Variants in SPOCK1 observed in about 807,000 individuals in gnomAD.
The protein encoded by SPOCK1 is testican-1.
In SPOCK1, 23 loss-of-function variants were observed where a neutral mutation model predicts 55.3. The observed-to-expected ratio is 0.42, with a 90% CI of 0.30 to 0.59. The LOEUF (loss-of-function observed/expected upper bound fraction) is 0.59, where lower values mean the gene tolerates loss of function less well. SPOCK1 is among the 20% of genes least tolerant of loss of function. SPOCK1 has a pLI of 0.22. For missense variants in SPOCK1, 499 were observed against 552.5 expected, an observed-to-expected ratio of 0.90 and a Z score of 0.97; for synonymous variants, 226 against 221.0, an observed-to-expected ratio of 1.02 and a Z score of -0.20.
intron 4 of SPOCK1, among the ~76,000 whole-genome samples, chr5:137,113,264 C>T (rs941488547): frequency 8.5e-5 from 13 of 152,148 alleles, no homozygotes; most frequent in African/African-American, 2.4e-4. Context: ...ACGGAAGGAA[C>T]CCCATCACTA....
At chr5:137,131,139 T>C (rs1169241426) in intron 4 of SPOCK1, among the ~76,000 whole-genome samples, 1 of 152,242 alleles carries the variant, frequency 6.6e-6, no homozygotes, top group African/African-American at 2.4e-5. Context: ...TTGGTTGGAT[T>C]AATCTGATAT....
intron 2 of SPOCK1, among the ~76,000 whole-genome samples, chr5:137,302,579 A>AAAT (rs1757620069): frequency 2.1e-5 from 3 of 141,138 alleles, no homozygotes; most frequent in South Asian, 4.6e-4. Context: ...TCCATCTCAA[A>AAAT]AAATAAATAA....
chr5:137,405,820 T>C (rs1013620009), intron 2 of SPOCK1, among the ~76,000 whole-genome samples: 3 of 152,206 alleles, frequency 2.0e-5, no homozygotes, highest in Non-Finnish European at 2.9e-5. Flanking sequence ...AGCTGTGCTG[T>C]GGATCAACAG....
intron 6 of SPOCK1, among the ~76,000 whole-genome samples, chr5:137,028,748 G>C (rs999834455): frequency 1.4e-4 from 21 of 152,026 alleles, no homozygotes; most frequent in Non-Finnish European, 1.5e-5. Flanking sequence ...CTCGACCCCA[G>C]AATGAGAGTG....
intron 3 of SPOCK1, among the ~76,000 whole-genome samples, chr5:137,251,371 G>C (rs1296465624): frequency 6.6e-6 from 1 of 152,142 alleles, no homozygotes; most frequent in Non-Finnish European, 1.5e-5. Flanking sequence ...TTGTTGTCTT[G>C]ATGGGACTCA....
intron 2 of SPOCK1, among the ~76,000 whole-genome samples, chr5:137,450,683 C>T (rs1753236815): frequency 6.6e-6 from 1 of 152,146 alleles, no homozygotes; most frequent in African/African-American, 2.4e-5. Context: ...CAACAATATT[C>T]AGCTTCTTTC....
chr5:137,400,041 G>A (rs1751942755), intron 2 of SPOCK1, among the ~76,000 whole-genome samples: 1 of 152,172 alleles, frequency 6.6e-6, no homozygotes, highest in African/African-American at 2.4e-5. Context: ...CTACCCTAAA[G>A]CAGGTCTCAT....
At chr5:137,140,746 AATTT>A in intron 3 of SPOCK1, 52 bp from the exon 4 acceptor site, 5 of 704,454 alleles carry the variant, frequency 7.1e-6, no homozygotes, top group South Asian at 5.8e-5. Context: ...AGGGAAATTT[AATTT>A]TTTTTTTTTT....
intron 3 of SPOCK1, among the ~76,000 whole-genome samples, chr5:137,194,886 C>T (rs1755268604): frequency 6.6e-6 from 1 of 152,204 alleles, no homozygotes; most frequent in Non-Finnish European, 1.5e-5. Context: ...TAAAGGATGC[C>T]ATCACCATGC....
chr5:137,394,586 C>T (rs1202726730), intron 2 of SPOCK1, among the ~76,000 whole-genome samples: 2 of 152,106 alleles, frequency 1.3e-5, no homozygotes, highest in African/African-American at 4.8e-5. Context: ...CAGGCTATAC[C>T]CTTTAAAGGC....
At chr5:137,453,321 C>G (rs1753295543) in intron 2 of SPOCK1, among the ~76,000 whole-genome samples, 1 of 152,164 alleles carries the variant, frequency 6.6e-6, no homozygotes, top group Non-Finnish European at 1.5e-5. Flanking sequence ...ATATACACCT[C>G]TCATTAAAAA....
At chr5:137,373,619 C>T (rs1001533121) in intron 2 of SPOCK1, among the ~76,000 whole-genome samples, 2 of 152,186 alleles carry the variant, frequency 1.3e-5, no homozygotes, top group African/African-American at 4.8e-5. Context: ...CCTGAATGAC[C>T]CCACCTGGAC....
intron 3 of SPOCK1, among the ~76,000 whole-genome samples, chr5:137,187,903 G>A (rs1386038143): frequency 6.6e-6 from 1 of 152,206 alleles, no homozygotes; most frequent in Non-Finnish European, 1.5e-5. Flanking sequence ...GATCCATTAT[G>A]AGATAGCCAA....
Position 137,067,768 on chromosome 5 carries a change from G to T in SPOCK1, c.536C>A (p.Pro179His). 6.2e-7 allele frequency: 1 copy of T among 1,614,122 alleles called. No homozygotes were observed. Among genetic ancestry groups the T allele is most frequent in the Non-Finnish European group, 8.5e-7 (1 of 1,180,030 alleles). Residue 179 changes from proline to histidine, a missense_variant, in exon 6 of 11, where the codon CCC becomes CAC. Pro to His is a moderately conservative substitution (Grantham distance 77). This residue lies in a region of SPOCK1 where 386 missense variants were observed against 400.6 expected (regional missense o/e 0.96). Coordinates refer to ENST00000394945, the MANE Select transcript of SPOCK1 (RefSeq NM_004598.4). Reference sequence around the variant, plus strand: ...CTCAGGCTCTGGGAGACAGGGACAGGGCCCATCACAGAGGGTGGCGAGGCT... The same window carrying T: ...CTCAGGCTCTGGGAGACAGGGACAGTGCCCATCACAGAGGGTGGCGAGGCT... ...GKSLATLCDG[P>H]CPCLPEPEPP...
intron 10 of SPOCK1, 42 bp from the exon 11 acceptor site, chr5:136,978,886 A>G: frequency 6.4e-7 from 1 of 1,553,034 alleles, no homozygotes; most frequent in Non-Finnish European, 8.7e-7. Flanking sequence ...TTCCACTTAT[A>G]CCTCATGACC....
chr5:137,233,399 A>G (rs1756109092), intron 3 of SPOCK1, among the ~76,000 whole-genome samples: 1 of 152,174 alleles, frequency 6.6e-6, no homozygotes, highest in Admixed American at 6.5e-5. Flanking sequence ...GCAGTTCACA[A>G]CAGGGTTCAT....
At chr5:137,157,573 A>G (rs1754442556) in intron 3 of SPOCK1, among the ~76,000 whole-genome samples, 1 of 152,160 alleles carries the variant, frequency 6.6e-6, no homozygotes, top group Non-Finnish European at 1.5e-5. Context: ...CTGGGTCTTT[A>G]GCACCATGTA....
intron 2 of SPOCK1, among the ~76,000 whole-genome samples, chr5:137,381,115 A>T (rs1751455330): frequency 6.6e-6 from 1 of 152,040 alleles, no homozygotes; most frequent in African/African-American, 2.4e-5. Flanking sequence ...GCAAGTCCAA[A>T]ACTGAGCAGG....
chr5:137,250,607 G>C (rs948692960), intron 3 of SPOCK1, among the ~76,000 whole-genome samples: 48 of 152,160 alleles, frequency 3.2e-4, no homozygotes, highest in Admixed American at 2.6e-4. Flanking sequence ...AACACGAGCT[G>C]CTTGCCCCTG....
Sources: allele counts gnomAD v4.1 joint callset (sites outside exome capture counted in the v4.1 genomes callset), GRCh38; gene constraint gnomAD v4.1.1; regional missense constraint gnomAD v4.1.1; transcripts MANE v1.5; gene names NCBI Gene and HGNC (gene_info 2026-07-23, HGNC 2026-07-21).